ADGRE5: variants seen among roughly 807,000 people sequenced by gnomAD.
ADGRE5 encodes adhesion G protein-coupled receptor E5, also known as CD97 molecule.
ADGRE5 carries 72 observed loss-of-function variants against 100.3 expected under a neutral mutation model. That is an observed-to-expected ratio of 0.72 (90% CI 0.59 to 0.87). ADGRE5 has a LOEUF of 0.87. Among genes scored for constraint, ADGRE5 ranks in the 40% least tolerant of loss-of-function variants. The pLI is 0.00. For synonymous variants in ADGRE5, 439 were observed against 447.8 expected, an observed-to-expected ratio of 0.98 and a Z score of 0.25; for missense variants, 959 against 1,094.7, an observed-to-expected ratio of 0.88 and a Z score of 1.75.
At chr19:14,395,599 G>A (rs1377090293) in intron 4 of ADGRE5, among the ~76,000 whole-genome samples, 2 of 152,136 alleles carry the variant, frequency 1.3e-5, no homozygotes, top group African/African-American at 2.4e-5. Flanking sequence ...CCCCGCTCAC[G>A]GCCAGTTCTG....
In ADGRE5 at chr19:14,403,827, T is replaced by C. The variant is rs555899910; in HGVS notation, c.1450-556T>C. On this transcript the variant is annotated intron_variant, in intron 12 of 19. Coordinates refer to ENST00000242786, the MANE Select transcript of ADGRE5 (RefSeq NM_078481.4). ...CCTTCTAATGCACTATCTACATTAC[T>C]TATTCGTTAGGTTTATGTCATAATC... Among the ~76,000 whole-genome samples the C allele has an allele frequency of 6.6e-5, 10 of 150,422 alleles. No individual in the cohort carries two copies. In the East Asian group the frequency reaches 2.0e-3, roughly 30 times the overall value.
At position 14,406,892 on chromosome 19, in the gene ADGRE5, T is replaced by C; in HGVS notation, c.2139T>C (p.Thr713=). ...AGTGCAATGCTGTCATTTTCGTGACTACCGTCTGGAAGCTCACTCAGAAGT... is the reference window on the plus strand; with the variant it reads ...AGTGCAATGCTGTCATTTTCGTGACCACCGTCTGGAAGCTCACTCAGAAGT... ...IILCNAVIFV[T]TVWKLTQKFS... Residue 713 remains threonine (T), a synonymous_variant, in exon 17 of 20, where the codon ACT becomes ACC. Coordinates refer to ENST00000242786, the MANE Select transcript of ADGRE5 (RefSeq NM_078481.4). The surrounding 1 kb of genome is among the most constrained non-coding windows in gnomAD (Gnocchi z 6.0). 1.9e-6 allele frequency: 3 copies of C among 1,614,166 alleles called. No individual in the cohort carries two copies. The highest frequency in any genetic ancestry group is 1.7e-6 in the Non-Finnish European group (2 of 1,180,002).
intron 4 of ADGRE5, 136 bp from the exon 5 acceptor site, chr19:14,396,206 G>A: frequency 1.3e-6 from 2 of 1,515,420 alleles, no homozygotes; most frequent in Non-Finnish European, 1.8e-6. Flanking sequence ...ACCATAGGAT[G>A]CCTCTGTGTG....
Position 14,402,783 on chromosome 19 carries a change from A to G in ADGRE5, c.1370A>G (p.Glu457Gly). 1 of 1,613,940 alleles carries G rather than the reference A, an allele frequency of 6.2e-7. No homozygotes were observed. The highest frequency in any genetic ancestry group is 1.3e-5 in the African/African-American group (1 of 74,972). The change falls in exon 12 of 20, where the codon GAA (glutamate) becomes GGA (glycine). Residue 457 changes from glutamate to glycine, a missense_variant. Coordinates refer to ENST00000242786, the MANE Select transcript of ADGRE5 (RefSeq NM_078481.4). ...SIFLSHNNTK[E>G]LNSPILFAFS... ...TTTCTGAGCCACAACAACACCAAGGAACTCAACTCCCCCATCCTTTTCGCC... is the reference window on the plus strand; with the variant it reads ...TTTCTGAGCCACAACAACACCAAGGGACTCAACTCCCCCATCCTTTTCGCC...
Position 14,408,592 on chromosome 19 carries a change from T to G in ADGRE5, c.*471T>G. 2.3e-6 allele frequency: 1 copy of G among 440,970 alleles called. No homozygotes were observed. The highest frequency in any genetic ancestry group is 4.0e-6 in the Non-Finnish European group (1 of 247,804). 27.3% of individuals were successfully genotyped at this position (440,970 alleles called of 1,614,324 possible). ...TGGGGCCACTGCCTGAGGCTCACGG[T>G]ACAGAGGCCTGCCCTGCCTGGCCGG... On this transcript the variant is annotated 3_prime_UTR_variant, in exon 20 of 20. Coordinates refer to ENST00000242786, the MANE Select transcript of ADGRE5 (RefSeq NM_078481.4).
At chr19:14,405,643 TCA>T in intron 13 of ADGRE5, 103 bp from the exon 14 acceptor site, 1 of 780,514 alleles carries the variant, frequency 1.3e-6, no homozygotes, top group Non-Finnish European at 2.1e-6. Flanking sequence ...AGGGAGGAGG[TCA>T]GAGAGGTGGG....
At chr19:14,403,322 G>A (rs1028633145) in intron 12 of ADGRE5, among the ~76,000 whole-genome samples, 11 of 151,176 alleles carry the variant, frequency 7.3e-5, no homozygotes, top group African/African-American at 1.7e-4. Context: ...GATTACAGGC[G>A]TGAGCCACCA....
Position 14,404,392 on chromosome 19 carries a change from C to A in ADGRE5, c.1459C>A (p.Pro487Thr). Residue 487 changes from proline to threonine, a missense_variant, in exon 13 of 20, where the codon CCT becomes ACT. Transcript: ENST00000242786. ...CCCCATCTGCCCACAGGACGTGATG[C>A]CTGGGCCACGGCAGGAGCTGCTCTG... ...GRDPPAKDVM[P>T]GPRQELLCAF... is the part of the protein sequence containing the mutation. 6.2e-7 allele frequency: 1 copy of A among 1,609,176 alleles called. No homozygotes were observed.
Position 14,397,657 on chromosome 19 carries a change from G to A in ADGRE5, c.626-1G>A, listed in dbSNP as rs1975832165. On this transcript the variant is annotated splice_acceptor_variant, in intron 6 of 19. Transcript: ENST00000242786. LOFTEE classifies it high-confidence loss of function. ...CCTGACCCCCTTCTTCCTGTCCTCAGATGTGGACGAGTGCAGCTCCGGGCA... is the reference window on the plus strand; with the variant it reads ...CCTGACCCCCTTCTTCCTGTCCTCAAATGTGGACGAGTGCAGCTCCGGGCA... The A allele has an allele frequency of 6.5e-7, 1 of 1,542,530 alleles. No individual in the cohort carries two copies. Among genetic ancestry groups the A allele is most frequent in the Non-Finnish European group, 8.9e-7 (1 of 1,125,428 alleles).
intron 1 of ADGRE5, among the ~76,000 whole-genome samples, chr19:14,387,466 T>C (rs879498276): frequency 6.6e-6 from 1 of 152,132 alleles, no homozygotes; most frequent in Non-Finnish European, 1.5e-5. Context: ...CAGTGGCTCA[T>C]GCCTGTAATC....
At chr19:14,402,475 G>A (rs539405076) in intron 11 of ADGRE5, 122 bp from the exon 12 acceptor site, 8 of 946,086 alleles carry the variant, frequency 8.5e-6, no homozygotes, top group Admixed American at 4.4e-5. Context: ...CTGACTCATC[G>A]GGAGGGGCTC....
At chr19:14,405,670 G>C in intron 13 of ADGRE5, 78 bp from the exon 14 acceptor site, 1 of 1,070,992 alleles carries the variant, frequency 9.3e-7, no homozygotes. Flanking sequence ...TCAAAGTGTG[G>C]GGGGGAAAAG....
Position 14,406,738 on chromosome 19 carries a change from T to A in ADGRE5, c.2087T>A (p.Phe696Tyr). The change falls in exon 16 of 20, where the codon TTC (phenylalanine) becomes TAC (tyrosine). Residue 696 changes from phenylalanine (F) to tyrosine (Y), a missense_variant. Phe to Tyr is a conservative substitution (Grantham distance 22). Around this residue, in one of 6 missense-constraint regions of ADGRE5, gnomAD observed 428 missense variants for 386.2 expected, o/e 1.11. Transcript: ENST00000242786. This position sits in a 1 kb window ranked among gnomAD's most constrained non-coding sequence, Gnocchi z 6.0. ...LDFEQGFLWS[F>Y]LGPVTFIILC... ...TTTGAGCAGGGCTTCCTCTGGAGCT[T>A]CTTGGGACCTGTGACCTTCATCATT... The A allele has an allele frequency of 6.2e-7, 1 of 1,614,084 alleles. No individual in the cohort carries two copies. The highest frequency in any genetic ancestry group is 1.7e-5 in the Admixed American group (1 of 60,012).
In ADGRE5 at chr19:14,407,950, G is replaced by A. The variant is rs1299711152; in HGVS notation, c.2419G>A (p.Gly807Arg). Residue 807 changes from glycine (G) to arginine (R), a missense_variant, in exon 19 of 20, where the codon GGG (glycine) becomes AGG (arginine). This residue lies in a region of ADGRE5 where 428 missense variants were observed against 386.2 expected (regional missense o/e 1.11). Coordinates refer to ENST00000242786, the MANE Select transcript of ADGRE5 (RefSeq NM_078481.4). ...GAAGTGGGCCTGCCTAGTTGCTGGG[G>A]GGAGCAAGTACTCAGAATTCACCTC... Reference protein sequence around the residue: ...YRKWACLVAGGSKYSEFTSTT... With the variant: ...YRKWACLVAGRSKYSEFTSTT... 1 of 1,614,156 alleles carries A rather than the reference G, an allele frequency of 6.2e-7. No homozygotes were observed. Among genetic ancestry groups the A allele is most frequent in the Non-Finnish European group, 8.5e-7 (1 of 1,180,036 alleles).
Position 14,401,449 on chromosome 19 carries a change from C to A in ADGRE5, c.961C>A (p.Pro321Thr). Residue 321 changes from proline (P) to threonine (T), a missense_variant, in exon 10 of 20, where the codon CCT becomes ACT. Transcript: ENST00000242786. This position sits in a 1 kb window ranked among gnomAD's most constrained non-coding sequence, Gnocchi z 4.1. ...APGDVEALAPPVRHLIATQLL... is the reference protein window; with the variant it reads ...APGDVEALAPTVRHLIATQLL... ...TGGAGACGTAGAGGCCCTGGCGCCA[C>A]CTGTCCGGCACCTCATAGCCACCCA... 1 of 1,614,164 alleles carries A rather than the reference C, an allele frequency of 6.2e-7. No individual in the cohort carries two copies. The highest frequency in any genetic ancestry group is 8.5e-7 in the Non-Finnish European group (1 of 1,180,042).
In ADGRE5 at chr19:14,406,024, CG is replaced by C. The variant is rs994108424; in HGVS notation, c.1821+88del. 8.1e-7 allele frequency: 1 copy of C among 1,228,190 alleles called. No homozygotes were observed. The highest frequency in any genetic ancestry group is 1.1e-6 in the Non-Finnish European group (1 of 900,418). 76.1% of individuals were successfully genotyped at this position (1,228,190 alleles called of 1,614,324 possible). On this transcript the variant is annotated intron_variant, in intron 14 of 19. Transcript: ENST00000242786. This position sits in a 1 kb window ranked among gnomAD's most constrained non-coding sequence, Gnocchi z 6.0. ...GCCCCGCCCACTCCCGGGGCTCAGT[CG>C]GGTAGGCGGGCCCTGGAGGCATGAG...
rs537391362 is a variant in ADGRE5, at chr19:14,388,187, C to T, written c.23-263C>T. ...AGGCTGCAGTGAGATATGATTGCAC[C>T]ACTGCACTCCAGCCTGGGTGACCAA... On this transcript the variant is annotated intron_variant, in intron 1 of 19. Coordinates refer to ENST00000242786, the MANE Select transcript of ADGRE5 (RefSeq NM_078481.4). 2.7e-3 allele frequency among the ~76,000 whole-genome samples: 413 copies of T among 151,782 alleles called. 2 individuals are homozygous for T. The highest frequency in any genetic ancestry group is 4.6e-3 in the Non-Finnish European group (315 of 67,950).
chr19:14,406,139 A>G lies in ADGRE5; in HGVS notation c.1822-192A>G, dbSNP rs1294745058. 2.6e-5 allele frequency among the ~76,000 whole-genome samples: 4 copies of G among 151,854 alleles called. No individual in the cohort carries two copies. The East Asian group carries it at 7.8e-4, about 30-fold the overall frequency. On this transcript the variant is annotated intron_variant, in intron 14 of 19. Coordinates refer to ENST00000242786, the MANE Select transcript of ADGRE5 (RefSeq NM_078481.4). The surrounding 1 kb of genome is among the most constrained non-coding windows in gnomAD (Gnocchi z 6.0). ...GCTGGCTTTGGAGCTGCCTGGCCAC[A>G]CCCCGAGTGCCCGCTCGCTTCTGAG... is the stretch of plus-strand genomic sequence containing the variant.
Position 14,388,686 on chromosome 19 carries a change from C to T in ADGRE5, c.74-16C>T, listed in dbSNP as rs778624203. On this transcript the variant is annotated splice_polypyrimidine_tract_variant and intron_variant, in intron 2 of 19. Coordinates refer to ENST00000242786, the MANE Select transcript of ADGRE5 (RefSeq NM_078481.4). ...CCTTACCCCTCACCTTCTGACCGTG[C>T]TCCCTGCTCTTGCAGGCTGTGCCCG... 1.2e-6 allele frequency: 2 copies of T among 1,612,694 alleles called. No homozygotes were observed. Among genetic ancestry groups the T allele is most frequent in the South Asian group, 2.2e-5 (2 of 91,054 alleles).
Sources: allele counts gnomAD v4.1 joint callset (sites outside exome capture counted in the v4.1 genomes callset), GRCh38; gene constraint gnomAD v4.1.1; regional missense constraint gnomAD v4.1.1; non-coding constraint Gnocchi (gnomAD v3.1); transcripts MANE v1.5; gene names NCBI Gene and HGNC (gene_info 2026-07-23, HGNC 2026-07-21).